The following HNF4A variants were observed in gnomAD, a reference collection of about 807,000 sequenced individuals.
HNF4A encodes the protein hepatocyte nuclear factor 4-alpha.
HNF4A carries 15 observed loss-of-function variants against 52.4 expected under a neutral mutation model. That is an observed-to-expected ratio of 0.29 (90% CI 0.19 to 0.44). The LOEUF (loss-of-function observed/expected upper bound fraction) is 0.44. Among genes scored for constraint, HNF4A ranks in the 20% least tolerant of loss-of-function variants. The probability of loss-of-function intolerance (pLI) is 1.00; values close to 1 mark genes in which losing one functional copy is unlikely to be tolerated. For missense variants in HNF4A, 479 were observed against 647.2 expected, an observed-to-expected ratio of 0.74 and a Z score of 2.82; for synonymous variants, 280 against 264.4, an observed-to-expected ratio of 1.06 and a Z score of -0.57.
At chr20:44,363,314 T>C (rs2062936994) in intron 1 of HNF4A, among the ~76,000 whole-genome samples, 1 of 152,174 alleles carries the variant, frequency 6.6e-6, no homozygotes, top group African/African-American at 2.4e-5. Context: ...CGATTATTAT[T>C]ATTATACCTA....
intron 1 of HNF4A, among the ~76,000 whole-genome samples, chr20:44,368,160 A>ATAG (rs1200638153): frequency 3.6e-5 from 1 of 27,774 alleles, no homozygotes; most frequent in Non-Finnish European, 6.0e-5. Flanking sequence ...ATATATATAT[A>ATAG]TTTTTTTTTT....
rs1302665891 is a variant in HNF4A at position 44,369,272 on chromosome 20, AAAAAAAC to A, written c.49+13420_49+13426del. On this transcript the variant is annotated intron_variant, in intron 1 of 9. Coordinates refer to the HNF4A transcript ENST00000316673. ...CTCAAAAAAAAAAAAAAAAAAAAAA[AAAAAAAC>A]TGGGCCGGCCACAGTGGCTCAAAAT... Among the ~76,000 whole-genome samples the A allele has an allele frequency of 3.8e-3, 569 of 148,290 alleles. 5 individuals carry two copies. Among genetic ancestry groups the A allele is most frequent in the African/African-American group, 0.013 (532 of 39,972 alleles).
chr20:44,385,057 ATCTTTTTTT>A (rs2063203468), intron 1 of HNF4A, among the ~76,000 whole-genome samples: 1 of 29,920 alleles, frequency 3.3e-5, no homozygotes, highest in African/African-American at 2.2e-4. Flanking sequence ...GAACTCTGTG[ATCTTTTTTT>A]TTTTTTTTTT....
At chr20:44,390,726 A>G (rs1351652055) in intron 1 of HNF4A, 2 of 697,144 alleles carry the variant, frequency 2.9e-6, no homozygotes, top group Admixed American at 4.0e-5. Context: ...ATGGGATGGT[A>G]GGAGAGAGAC....
intron 3 of HNF4A, among the ~76,000 whole-genome samples, chr20:44,411,422 G>A (rs2063579788): frequency 6.6e-6 from 1 of 152,178 alleles, no homozygotes; most frequent in African/African-American, 2.4e-5. Flanking sequence ...TAACCTTGAG[G>A]AGCCCTATCC....
Position 44,407,443 on chromosome 20 carries a change from A to G in HNF4A, c.353A>G (p.Lys118Arg). Residue 118 changes from lysine to arginine, a missense_variant, in exon 3 of 10, where the codon AAG becomes AGG. Around this residue, in one of 3 missense-constraint regions of HNF4A, gnomAD observed 389 missense variants for 525.1 expected, o/e 0.74. Coordinates refer to ENST00000316099, the MANE Select transcript of HNF4A (RefSeq NM_000457.6). ...AACCAGTGCCGCTACTGCAGGCTCA[A>G]GAAATGCTTCCGGGCTGGCATGAAG... The G allele has an allele frequency of 6.2e-7, 1 of 1,608,742 alleles. No individual in the cohort carries two copies. The highest frequency in any genetic ancestry group is 8.5e-7 in the Non-Finnish European group (1 of 1,177,260).
intron 2 of HNF4A, among the ~76,000 whole-genome samples, chr20:44,406,607 A>G (rs557469432): frequency 6.6e-5 from 10 of 152,236 alleles, no homozygotes; most frequent in Admixed American, 5.9e-4. Flanking sequence ...CAAATAGGAG[A>G]TTGACCCCAG....
At chr20:44,402,394 A>G (rs1328487891) in intron 1 of HNF4A, among the ~76,000 whole-genome samples, 2 of 152,014 alleles carry the variant, frequency 1.3e-5, no homozygotes, top group Non-Finnish European at 2.9e-5. Flanking sequence ...TCGTGTGCCC[A>G]TATTTGTACC....
intron 1 of HNF4A, chr20:44,402,585 G>A (rs764535198): frequency 2.6e-5 from 35 of 1,365,858 alleles, no homozygotes; most frequent in Admixed American, 2.1e-4. Flanking sequence ...GCCAGATTGA[G>A]GCATCCCCTC....
chr20:44,406,369 A>G, intron 2 of HNF4A, 137 bp downstream of exon 2: 1 of 741,868 alleles, frequency 1.3e-6, no homozygotes, highest in South Asian at 1.5e-5. Flanking sequence ...GGTTTTGTAA[A>G]AGACTTTGTG....
chr20:44,362,343 G>A lies in HNF4A; in HGVS notation c.49+6490G>A, dbSNP rs185382138. On this transcript the variant is annotated intron_variant, in intron 1 of 9. Transcript: ENST00000316673. Reference sequence around the variant, plus strand: ...GCTGAGGCAGGAGAATCACTTGAACGCAGGTGGTGGAGGTTGCAGTGAGCC... The same window carrying A: ...GCTGAGGCAGGAGAATCACTTGAACACAGGTGGTGGAGGTTGCAGTGAGCC... 1.6e-4 allele frequency among the ~76,000 whole-genome samples: 24 copies of A among 149,324 alleles called. 1 individual carries two copies. Among genetic ancestry groups the A allele is most frequent in the African/African-American group, 5.7e-4 (23 of 40,550 alleles).
chr20:44,378,918 CAAA>C (rs61103959), intron 1 of HNF4A, among the ~76,000 whole-genome samples: 1,953 of 129,188 alleles, frequency 0.015, 50 homozygotes, highest in African/African-American at 0.049. Context: ...GACCCCGTCT[CAAA>C]AAAAAAAAAA....
chr20:44,425,656 CTTT>C (rs10657596), intron 8 of HNF4A, among the ~76,000 whole-genome samples: 4 of 129,468 alleles, frequency 3.1e-5, no homozygotes, highest in Admixed American at 1.7e-4. Context: ...TTCTTTTTTC[CTTT>C]TTTTTTTTTT....
chr20:44,408,518 A>G (rs1190164406), intron 3 of HNF4A, among the ~76,000 whole-genome samples: 1 of 152,172 alleles, frequency 6.6e-6, no homozygotes, highest in African/African-American at 2.4e-5. Context: ...TGAGGTCAAG[A>G]GTTCGAGACC....
chr20:44,378,311 C>T (rs765035965), intron 1 of HNF4A, among the ~76,000 whole-genome samples: 1 of 150,420 alleles, frequency 6.6e-6, no homozygotes, highest in Non-Finnish European at 1.5e-5. Flanking sequence ...CTCTGTCGCC[C>T]GGCTGGAGTG....
At chr20:44,415,513 G>T (rs745357161) in intron 5 of HNF4A, among the ~76,000 whole-genome samples, 52 of 152,212 alleles carry the variant, frequency 3.4e-4, no homozygotes, top group Non-Finnish European at 5.0e-4. Context: ...AGCACCCCTG[G>T]GCCTCCAAAG....
chr20:44,408,318 G>C (rs914839940), intron 3 of HNF4A: 23 of 154,462 alleles, frequency 1.5e-4, no homozygotes, highest in African/African-American at 5.5e-4. Context: ...CAGAGCTTCT[G>C]CTATTTGGAC....
At chr20:44,428,187 T>C in intron 8 of HNF4A, 148 bp from the exon 9 acceptor site, 1 of 787,116 alleles carries the variant, frequency 1.3e-6, no homozygotes, top group Non-Finnish European at 2.2e-6. Flanking sequence ...TGGTACACCC[T>C]AGTTTACTAA....
At chr20:44,375,870 G>T (rs1461286480) in intron 1 of HNF4A, among the ~76,000 whole-genome samples, 1 of 152,180 alleles carries the variant, frequency 6.6e-6, no homozygotes, top group Non-Finnish European at 1.5e-5. Context: ...TCCCTTGAAG[G>T]ACATTGACAC....
Sources: allele counts gnomAD v4.1 joint callset (sites outside exome capture counted in the v4.1 genomes callset), GRCh38; gene constraint gnomAD v4.1.1; regional missense constraint gnomAD v4.1.1; transcripts MANE v1.5; gene names NCBI Gene and HGNC (gene_info 2026-07-23, HGNC 2026-07-21).